Variants in CPLX2 observed in about 807,000 individuals in gnomAD.
The protein encoded by CPLX2 is complexin 2.
A neutral mutation model predicts 16.3 loss-of-function variants in CPLX2; 5 were observed. The observed-to-expected ratio is 0.31, with a 90% CI of 0.16 to 0.64. The LOEUF is 0.64. CPLX2 is among the 30% of genes least tolerant of loss of function. The probability of loss-of-function intolerance (pLI) is 0.79; values close to 1 mark genes in which losing one functional copy is unlikely to be tolerated. For synonymous variants in CPLX2, 89 were observed against 73.2 expected, an observed-to-expected ratio of 1.22 and a Z score of -1.10; for missense variants, 144 against 181.4, an observed-to-expected ratio of 0.79 and a Z score of 1.18.
In CPLX2 at chr5:175,799,288, A is replaced by G. The variant is rs187736222; in HGVS notation, c.-169+2504A>G. Among the ~76,000 whole-genome samples the G allele has an allele frequency of 1.4e-3, 215 of 152,202 alleles. 1 individual carries two copies. The highest frequency in any genetic ancestry group is 2.6e-3 in the Non-Finnish European group (180 of 68,016). ...GAAATCATTGATTTGGAAATCATCAAGCCCAATAGCCACATTTTACAAATG... is the reference window on the plus strand; with the variant it reads ...GAAATCATTGATTTGGAAATCATCAGGCCCAATAGCCACATTTTACAAATG... On this transcript the variant is annotated intron_variant, in intron 1 of 4. Coordinates refer to the CPLX2 transcript ENST00000359546.
At chr5:175,832,865 A>G (rs1299331362) in intron 2 of CPLX2, among the ~76,000 whole-genome samples, 3 of 152,140 alleles carry the variant, frequency 2.0e-5, no homozygotes, top group African/African-American at 7.2e-5. Flanking sequence ...GCTAAGAAAA[A>G]AGGATTAGGC....
At chr5:175,832,874 G>A (rs993583631) in intron 2 of CPLX2, among the ~76,000 whole-genome samples, 3 of 152,166 alleles carry the variant, frequency 2.0e-5, no homozygotes, top group Non-Finnish European at 2.9e-5. Context: ...AAAGGATTAG[G>A]CTGGGCGTGG....
At chr5:175,810,356 G>A (rs1561769769) in intron 2 of CPLX2, among the ~76,000 whole-genome samples, 1 of 152,174 alleles carries the variant, frequency 6.6e-6, no homozygotes, top group Non-Finnish European at 1.5e-5. Context: ...GCTGTCTGGG[G>A]TTTCCACATT....
chr5:175,833,124 C>A (rs1758761308), intron 2 of CPLX2, among the ~76,000 whole-genome samples: 1 of 140,078 alleles, frequency 7.1e-6, no homozygotes. Flanking sequence ...CCACCGTGCT[C>A]CAGCCTAGAT....
intron 2 of CPLX2, among the ~76,000 whole-genome samples, chr5:175,815,084 G>A (rs1282202498): frequency 6.6e-6 from 1 of 152,146 alleles, no homozygotes; most frequent in Admixed American, 6.5e-5. Context: ...GGAGTACGAG[G>A]CACTGTGGTC....
At chr5:175,804,606 C>CGGA (rs1365572198) in intron 1 of CPLX2, among the ~76,000 whole-genome samples, 2 of 152,208 alleles carry the variant, frequency 1.3e-5, no homozygotes, top group East Asian at 3.8e-4. Flanking sequence ...GTGTGGTCCA[C>CGGA]GGACCGGCAA....
At chr5:175,802,337 T>G (rs1280131384) in intron 1 of CPLX2, among the ~76,000 whole-genome samples, 2 of 152,182 alleles carry the variant, frequency 1.3e-5, no homozygotes, top group Non-Finnish European at 2.9e-5. Context: ...CCCCTCAATC[T>G]GCAACAAGCA....
At position 175,824,240 on chromosome 5, in the gene CPLX2, A is replaced by G. The variant is rs1266301214; in HGVS notation, c.-89+15172A>G. On this transcript the variant is annotated intron_variant, in intron 2 of 4. Coordinates refer to the CPLX2 transcript ENST00000359546. ...AAGTCATGATTAATTCATTTTCCCC[A>G]TTTTTTATTAATCAAAGACACTTAA... Among the ~76,000 whole-genome samples the G allele has an allele frequency of 2.0e-5, 3 of 152,148 alleles. No individual in the cohort carries two copies. In the East Asian group the frequency reaches 5.8e-4, roughly 29 times the overall value.
chr5:175,856,745 G>A (rs754201694), intron 2 of CPLX2, among the ~76,000 whole-genome samples: 12 of 152,118 alleles, frequency 7.9e-5, no homozygotes, highest in African/African-American at 1.7e-4. Flanking sequence ...ATGAAAGGAC[G>A]TGGCAAATGT....
In CPLX2 at chr5:175,824,120, A is replaced by T. The variant is rs572614456; in HGVS notation, c.-89+15052A>T. Reference sequence around the variant, plus strand: ...ATGGACATCCACTCCAGGGGTCCCCAACCTTTCACCCTCAAGGACGCCTTT... The same window carrying T: ...ATGGACATCCACTCCAGGGGTCCCCTACCTTTCACCCTCAAGGACGCCTTT... On this transcript the variant is annotated intron_variant, in intron 2 of 4. Transcript: ENST00000359546. Among the ~76,000 whole-genome samples the T allele has an allele frequency of 1.5e-3, 232 of 152,288 alleles. 3 individuals carry two copies. Among genetic ancestry groups the T allele is most frequent in the Admixed American group, 1.7e-3 (26 of 15,302 alleles).
intron 1 of CPLX2, among the ~76,000 whole-genome samples, chr5:175,802,024 T>A (rs1758105496): frequency 6.6e-6 from 1 of 152,208 alleles, no homozygotes; most frequent in Non-Finnish European, 1.5e-5. Context: ...TGAGTTAACA[T>A]CTGTAGGAGA....
chr5:175,840,095 G>T (rs1284559513), intron 2 of CPLX2, among the ~76,000 whole-genome samples: 2 of 152,140 alleles, frequency 1.3e-5, no homozygotes, highest in Admixed American at 6.5e-5. Context: ...TCGAACAAAG[G>T]TGATTTTTTT....
At chr5:175,799,539 CATATATATATATATATATATATATATAT>C (rs70988299) in intron 1 of CPLX2, among the ~76,000 whole-genome samples, 1 of 72,276 alleles carries the variant, frequency 1.4e-5, no homozygotes, top group African/African-American at 5.6e-5. Context: ...TTGCAAATTT[CATATATATATATATATATATATATATAT>C]ATATATATAG....
chr5:175,827,900 A>G (rs754001042), intron 2 of CPLX2, among the ~76,000 whole-genome samples: 5 of 152,214 alleles, frequency 3.3e-5, no homozygotes, highest in Non-Finnish European at 5.9e-5. Flanking sequence ...AGCCCTGCCT[A>G]TCGAGGGTGA....
In CPLX2 at chr5:175,814,934, C is replaced by T. The variant is rs182339169; in HGVS notation, c.-89+5866C>T. Reference sequence around the variant, plus strand: ...TCCTCTCGGCCAGCCCAAAGCATGGCGGCTTGACAGGACTGCTTCCGAGAT... The same window carrying T: ...TCCTCTCGGCCAGCCCAAAGCATGGTGGCTTGACAGGACTGCTTCCGAGAT... On this transcript the variant is annotated intron_variant, in intron 2 of 4. Transcript: ENST00000359546. Among the ~76,000 whole-genome samples, 17 of 152,254 alleles carry T rather than the reference C, an allele frequency of 1.1e-4. No individual in the cohort carries two copies. In the East Asian group the frequency reaches 1.9e-3, roughly 17 times the overall value.
Position 175,836,877 on chromosome 5 carries a change from T to C in CPLX2, c.-89+27809T>C, listed in dbSNP as rs572510365. On this transcript the variant is annotated intron_variant, in intron 2 of 4. Coordinates refer to the CPLX2 transcript ENST00000359546. ...AGCAAGTGCCAATGTCACACCCACT[T>C]TACAGATAAAGAACATGAGGCCCAG... Among the ~76,000 whole-genome samples, 169 of 152,294 alleles carry C rather than the reference T, an allele frequency of 1.1e-3. 1 individual carries two copies. The highest frequency in any genetic ancestry group is 4.0e-3 in the African/African-American group (165 of 41,550).
rs983577392 is a variant in CPLX2 at position 175,846,199 on chromosome 5, C to T, written c.-88-32453C>T. Among the ~76,000 whole-genome samples, 25 of 152,184 alleles carry T rather than the reference C, an allele frequency of 1.6e-4. 1 individual carries two copies. The highest frequency in any genetic ancestry group is 6.0e-4 in the African/African-American group (25 of 41,454). ...GAGGCCCAGCACTAGCCATTCTGCACCCCCTGATTCCTGGTCTGTGACTCC... is the reference window on the plus strand; with the variant it reads ...GAGGCCCAGCACTAGCCATTCTGCATCCCCTGATTCCTGGTCTGTGACTCC... On this transcript the variant is annotated intron_variant, in intron 2 of 4. Coordinates refer to the CPLX2 transcript ENST00000359546.
chr5:175,818,955 G>A (rs371046906), intron 2 of CPLX2, among the ~76,000 whole-genome samples: 30 of 152,150 alleles, frequency 2.0e-4, no homozygotes, highest in East Asian at 1.5e-3. Flanking sequence ...GAGCCACCGC[G>A]CCCGGCCCCG....
At chr5:175,829,590 C>T (rs1173708302) in intron 2 of CPLX2, among the ~76,000 whole-genome samples, 3 of 152,212 alleles carry the variant, frequency 2.0e-5, no homozygotes, top group Non-Finnish European at 4.4e-5. Flanking sequence ...CCTAAGGATT[C>T]CATCAATCTA....
Sources: allele counts gnomAD v4.1 joint callset (sites outside exome capture counted in the v4.1 genomes callset), GRCh38; gene constraint gnomAD v4.1.1; transcripts MANE v1.5; gene names NCBI Gene and HGNC (gene_info 2026-07-23, HGNC 2026-07-21).